Variants in TBC1D22B observed in about 807,000 individuals in gnomAD.
TBC1D22B encodes chromosome 6 open reading frame 197.
Under a neutral mutation model 69.1 loss-of-function variants are expected in TBC1D22B, and 32 were observed. The ratio of observed to expected loss-of-function variants is 0.46; its 90% confidence interval spans 0.35 to 0.62. The LOEUF (loss-of-function observed/expected upper bound fraction) is 0.62, where lower values mean the gene tolerates loss of function less well. Ranked by LOEUF, TBC1D22B falls within the 20% of genes least tolerant of loss-of-function variation. The probability of loss-of-function intolerance (pLI) is 0.00; values close to 1 mark genes in which losing one functional copy is unlikely to be tolerated. For missense variants in TBC1D22B, 462 were observed against 630.9 expected, an observed-to-expected ratio of 0.73 and a Z score of 2.87; for synonymous variants, 206 against 229.8, an observed-to-expected ratio of 0.90 and a Z score of 0.94.
At chr6:37,290,037 G>T (rs6908216) in intron 7 of TBC1D22B, among the ~76,000 whole-genome samples, 4,847 of 152,230 alleles carry the variant, frequency 0.032, 243 homozygotes, top group African/African-American at 0.11. Flanking sequence ...TAGGCACAAC[G>T]ATCTATGACA....
chr6:37,284,344 C>T lies in TBC1D22B; in HGVS notation c.681C>T (p.Leu227=). 1.2e-6 allele frequency: 2 copies of T among 1,614,164 alleles called. No homozygotes were observed. The highest frequency in any genetic ancestry group is 1.7e-6 in the Non-Finnish European group (2 of 1,180,022). ...AGCAGTCTTGTCTATAGGGCTATCT[C>T]CCAGCAAACACTGAGAGGAGGAAGT... is the stretch of plus-strand genomic sequence containing the variant. The part of the protein sequence containing the change: ...PITWRLLSGY[L]PANTERRKLT... The change falls in exon 6 of 13, where the codon CTC becomes CTT. Residue 227 remains leucine, a synonymous_variant. Transcript: ENST00000373491.
intron 12 of TBC1D22B, 80 bp downstream of exon 12, chr6:37,317,286 A>C: frequency 1.4e-6 from 2 of 1,384,018 alleles, no homozygotes; most frequent in Non-Finnish European, 2.0e-6. Flanking sequence ...GTGCAGACAG[A>C]AGGTGCCATA....
rs192233117 is a variant in TBC1D22B, at chr6:37,272,762, T to C, written c.113+3112T>C. 1.5e-3 allele frequency among the ~76,000 whole-genome samples: 223 copies of C among 152,288 alleles called. 1 individual carries two copies. Among genetic ancestry groups the C allele is most frequent in the African/African-American group, 5.1e-3 (210 of 41,568 alleles). ...CATTAAATAGAATGAATTCTACTAT[T>C]CTTTGGTTTTATCAAGAATCGACTT... On this transcript the variant is annotated intron_variant, in intron 2 of 12. Transcript: ENST00000373491.
chr6:37,312,748 A>T (rs925881166), intron 8 of TBC1D22B, among the ~76,000 whole-genome samples, 170 bp from the exon 9 acceptor site: 1 of 152,200 alleles, frequency 6.6e-6, no homozygotes, highest in Non-Finnish European at 1.5e-5. Context: ...TTGAAGGGAC[A>T]TATTTGCCCA....
chr6:37,315,066 G>T (rs1267408834), intron 10 of TBC1D22B, among the ~76,000 whole-genome samples: 1 of 152,086 alleles, frequency 6.6e-6, no homozygotes, highest in African/African-American at 2.4e-5. Flanking sequence ...GCCCTCTTCT[G>T]GGGGATAAGC....
chr6:37,305,523 C>G (rs1581615405), intron 8 of TBC1D22B, among the ~76,000 whole-genome samples: 1 of 145,532 alleles, frequency 6.9e-6, no homozygotes, highest in South Asian at 2.2e-4. Context: ...TGCCTATTTC[C>G]TTTTTTTTTT....
At chr6:37,305,767 G>T (rs1319448920) in intron 8 of TBC1D22B, among the ~76,000 whole-genome samples, 1 of 152,114 alleles carries the variant, frequency 6.6e-6, no homozygotes, top group Non-Finnish European at 1.5e-5. Context: ...TGATCCACCC[G>T]TCTCGGCCTC....
intron 1 of TBC1D22B, among the ~76,000 whole-genome samples, chr6:37,260,428 A>G (rs1304791506): frequency 6.6e-6 from 1 of 152,254 alleles, no homozygotes; most frequent in Non-Finnish European, 1.5e-5. Flanking sequence ...TATTAAATAA[A>G]AGAAGTTGCA....
intron 8 of TBC1D22B, chr6:37,295,725 T>C (rs1767342118): frequency 3.1e-6 from 1 of 325,448 alleles, no homozygotes; most frequent in South Asian, 3.2e-5. Context: ...TTCCCTGGTC[T>C]CTTCCCCAGC....
intron 1 of TBC1D22B, 149 bp from the exon 2 acceptor site, chr6:37,269,445 G>A: frequency 2.9e-6 from 2 of 693,754 alleles, no homozygotes; most frequent in Admixed American, 5.2e-5. Flanking sequence ...CGGGTAGATT[G>A]CTCTCTTTGG....
intron 1 of TBC1D22B, among the ~76,000 whole-genome samples, chr6:37,267,541 A>G (rs1319062030): frequency 7.3e-6 from 1 of 137,434 alleles, no homozygotes; most frequent in African/African-American, 2.8e-5. Flanking sequence ...TATATAATAT[A>G]TATATACACA....
intron 8 of TBC1D22B, among the ~76,000 whole-genome samples, chr6:37,306,472 G>T (rs534641748): frequency 4.6e-5 from 7 of 152,290 alleles, no homozygotes; most frequent in African/African-American, 1.7e-4. Context: ...TCTTTGGGCA[G>T]GTCCTAGAAG....
At chr6:37,287,715 T>G (rs1294237389) in intron 7 of TBC1D22B, among the ~76,000 whole-genome samples, 2 of 152,238 alleles carry the variant, frequency 1.3e-5, no homozygotes, top group East Asian at 3.8e-4. Context: ...TTTCCTTTTT[T>G]AAGGCTGAGT....
intron 7 of TBC1D22B, among the ~76,000 whole-genome samples, chr6:37,288,898 A>C (rs1298976434): frequency 6.6e-6 from 1 of 151,936 alleles, no homozygotes; most frequent in African/African-American, 2.4e-5. Flanking sequence ...TTTTATTTTA[A>C]CTTTTTAAGA....
intron 9 of TBC1D22B, among the ~76,000 whole-genome samples, chr6:37,313,261 T>C (rs1222539147): frequency 6.6e-6 from 1 of 152,114 alleles, no homozygotes; most frequent in Non-Finnish European, 1.5e-5. Context: ...AGGCCAAGAC[T>C]GGAGGATCGC....
At chr6:37,273,632 A>G (rs558321224) in intron 2 of TBC1D22B, among the ~76,000 whole-genome samples, 1 of 152,346 alleles carries the variant, frequency 6.6e-6, no homozygotes, top group East Asian at 1.9e-4. Context: ...TCATGCTTTC[A>G]ATAGGAGTAA....
At chr6:37,264,546 AGT>A (rs1766212367) in intron 1 of TBC1D22B, among the ~76,000 whole-genome samples, 1 of 152,202 alleles carries the variant, frequency 6.6e-6, no homozygotes, top group African/African-American at 2.4e-5. Context: ...GCTGGACTCA[AGT>A]GATCTGCCTG....
At chr6:37,315,105 G>A (rs996755881) in intron 10 of TBC1D22B, among the ~76,000 whole-genome samples, 1 of 152,130 alleles carries the variant, frequency 6.6e-6, no homozygotes, top group Non-Finnish European at 1.5e-5. Flanking sequence ...CATCAATCAA[G>A]TTTCAACAGG....
At chr6:37,323,399 A>G (rs892103416) in intron 12 of TBC1D22B, among the ~76,000 whole-genome samples, 32 of 152,272 alleles carry the variant, frequency 2.1e-4, no homozygotes, top group African/African-American at 7.2e-4. Context: ...GCATGGTGGC[A>G]CACACCTGTA....
Sources: gnomAD v4.1 joint callset for allele counts (sites outside exome capture counted in the v4.1 genomes callset) on GRCh38, gnomAD v4.1.1 for gene constraint, MANE v1.5 for transcripts, NCBI Gene and HGNC (gene_info 2026-07-23, HGNC 2026-07-21) for gene names.